Variants in MMP26 observed in about 807,000 individuals in gnomAD.
MMP26 encodes matrix metalloproteinase-26.
Under a neutral mutation model 31.0 loss-of-function variants are expected in MMP26, and 33 were observed. The ratio of observed to expected loss-of-function variants is 1.06; its 90% CI spans 0.81 to 1.42. The LOEUF is 1.42. MMP26 is among the 40% of genes most tolerant of loss of function. The pLI is 0.00. For synonymous variants in MMP26, 122 were observed against 114.9 expected (o/e 1.06, Z -0.40); for missense variants, 347 against 316.1 (o/e 1.10, Z -0.74).
At chr11:4,809,893 A>G (rs1849326679) in intron 2 of MMP26, among the ~76,000 whole-genome samples, 1 of 152,190 alleles carries the variant, frequency 6.6e-6, no homozygotes. Flanking sequence ...AGTACAGATG[A>G]TCACTCACCC....
chr11:4,974,308 T>C (rs1382265604), intron 2 of MMP26, among the ~76,000 whole-genome samples: 1 of 151,826 alleles, frequency 6.6e-6, no homozygotes, highest in Non-Finnish European at 1.5e-5. Flanking sequence ...AAAAAAAAGG[T>C]CTAAAATTTT....
chr11:4,864,413 C>G (rs577982980), intron 2 of MMP26, among the ~76,000 whole-genome samples: 22 of 152,226 alleles, frequency 1.4e-4, no homozygotes, highest in African/African-American at 5.1e-4. Context: ...CATTTATTTT[C>G]CATCACAAGC....
At chr11:4,986,956 TCTCC>T (rs1846908370) in intron 2 of MMP26, among the ~76,000 whole-genome samples, 4 of 140,258 alleles carry the variant, frequency 2.9e-5, no homozygotes, top group African/African-American at 5.7e-5. Flanking sequence ...TCTCTCTCTC[TCTCC>T]CTCTCTCTCT....
chr11:4,914,750 C>G, intron 2 of MMP26: 2 of 1,613,342 alleles, frequency 1.2e-6, no homozygotes, highest in Non-Finnish European at 8.5e-7. Context: ...CACTCGATCC[C>G]GGATCTGTTT....
chr11:4,863,866 T>C (rs1850198452), intron 2 of MMP26, among the ~76,000 whole-genome samples: 1 of 152,224 alleles, frequency 6.6e-6, no homozygotes, highest in South Asian at 2.1e-4. Context: ...TCTTCTATTA[T>C]GTCCAACACT....
At chr11:4,963,685 T>C (rs1443489301) in intron 2 of MMP26, among the ~76,000 whole-genome samples, 1 of 152,232 alleles carries the variant, frequency 6.6e-6, no homozygotes, top group African/African-American at 2.4e-5. Flanking sequence ...ATTTGAAAGA[T>C]TGATACACTG....
intron 1 of MMP26, among the ~76,000 whole-genome samples, chr11:4,707,003 A>G (rs1847789340): frequency 6.6e-6 from 1 of 152,154 alleles, no homozygotes. Context: ...GGTTGTTTCC[A>G]TATGTTGGCT....
At chr11:4,915,239 G>A in intron 2 of MMP26, 1 of 1,613,990 alleles carries the variant, frequency 6.2e-7, no homozygotes, top group Non-Finnish European at 8.5e-7. Context: ...GACTGTGTTG[G>A]TGAGAATGGA....
Position 4,942,089 on chromosome 11 carries a change from C to CAAAAAAAAAAAAAAAAAAAAAAA in MMP26, c.-144-45958_-144-45957insAAAAAAAAAAAAAAAAAAAAAAA, listed in dbSNP as rs201626472. Among the ~76,000 whole-genome samples the CAAAAAAAAAAAAAAAAAAAAAAA allele has an allele frequency of 5.1e-3, 190 of 37,086 alleles. 12 individuals carry two copies. The highest frequency in any genetic ancestry group is 6.1e-3 in the Non-Finnish European group (117 of 19,112). 24.3% of individuals were successfully genotyped at this position (37,086 alleles called of 152,430 possible). ...TGGGCAGCAGAATGAGAGTCCATCT[C>CAAAAAAAAAAAAAAAAAAAAAAA]AAAAAAAAAAAAAAAAAAAAAGGAA... On this transcript the variant is annotated intron_variant, in intron 2 of 7. Coordinates refer to ENST00000380390, the MANE Select transcript of MMP26 (RefSeq NM_021801.5).
At chr11:4,859,086 G>C (rs1388395572) in intron 2 of MMP26, among the ~76,000 whole-genome samples, 1 of 152,146 alleles carries the variant, frequency 6.6e-6, no homozygotes, top group Non-Finnish European at 1.5e-5. Flanking sequence ...ATGGATTAAA[G>C]ACTTAAATAT....
At position 4,907,956 on chromosome 11, in the gene MMP26, T is replaced by C. The variant is rs7108654; in HGVS notation, c.-144-80112T>C. 1.8e-3 allele frequency: 2,978 copies of C among 1,614,072 alleles called. 48 individuals carry two copies. The African/African-American group carries it at 0.035, about 19-fold the overall frequency. On this transcript the variant is annotated intron_variant, in intron 2 of 7. Transcript: ENST00000380390. ...GCCTGCTCTGACAACAAGACCAATG[T>C]CATCTATGGCTTCTTCATTGCTCTC...
At position 4,954,245 on chromosome 11, in the gene MMP26, G is replaced by A. The variant is rs1564813964; in HGVS notation, c.-144-33823G>A. 3.2e-5 allele frequency among the ~76,000 whole-genome samples: 4 copies of A among 123,264 alleles called. 1 individual carries two copies. In the South Asian group the frequency reaches 9.9e-4, roughly 30 times the overall value. 80.9% of individuals were successfully genotyped at this position (123,264 alleles called of 152,430 possible). On this transcript the variant is annotated intron_variant, in intron 2 of 7. Coordinates refer to ENST00000380390, the MANE Select transcript of MMP26 (RefSeq NM_021801.5). ...TGACTTCTAGGGTGGGGAAATGATG[G>A]GGCGGGGATTGGACTGAAAAACTAT...
At chr11:4,884,028 T>C (rs1850515219) in intron 2 of MMP26, among the ~76,000 whole-genome samples, 1 of 152,176 alleles carries the variant, frequency 6.6e-6, no homozygotes. Context: ...CTCAGTTTTC[T>C]TTCAAGCTAT....
intron 2 of MMP26, among the ~76,000 whole-genome samples, chr11:4,934,380 A>T: frequency 1.4e-5 from 1 of 71,344 alleles, no homozygotes; most frequent in African/African-American, 6.6e-5. Context: ...TTCTTTTGAG[A>T]AGTGTCTGTT....
rs771890155 is a variant in MMP26 at position 4,990,727 on chromosome 11, G to T, written c.450G>T (p.Lys150Asn). 1.2e-6 allele frequency: 2 copies of T among 1,613,864 alleles called. No individual in the cohort carries two copies. The highest frequency in any genetic ancestry group is 1.7e-6 in the Non-Finnish European group (2 of 1,179,950). ...TGCAGAATGGAGATGCAGACATCAA[G>T]GTTTCTTTCTGGCAGTGGGGTAAGA... ...QQVQNGDADIKVSFWQWAHED... is the reference protein window; with the variant it reads ...QQVQNGDADINVSFWQWAHED... Residue 150 changes from lysine to asparagine, a missense_variant, in exon 5 of 8, where the codon AAG (lysine) becomes AAT (asparagine). Physicochemically the swap from Lys to Asn is moderately conservative, Grantham distance 94. Transcript: ENST00000380390.
chr11:4,829,816 C>T (rs1419895981), intron 2 of MMP26, among the ~76,000 whole-genome samples: 1 of 152,204 alleles, frequency 6.6e-6, no homozygotes, highest in East Asian at 1.9e-4. Flanking sequence ...TGTCTCTGAC[C>T]TCAGTGACTG....
intron 2 of MMP26, chr11:4,860,548 G>T (rs1850138197): frequency 2.1e-6 from 1 of 466,214 alleles, no homozygotes. Flanking sequence ...GGCCTGTGAT[G>T]CATTCAAGTT....
At chr11:4,804,703 G>T (rs1330505534) in intron 2 of MMP26, 4 of 402,510 alleles carry the variant, frequency 9.9e-6, no homozygotes, top group Non-Finnish European at 2.0e-5. Flanking sequence ...CTAGCACTTT[G>T]GGAGGCTGAG....
intron 2 of MMP26, among the ~76,000 whole-genome samples, chr11:4,795,843 G>GGAGAGAGAGAGA (rs142600384): frequency 3.1e-4 from 44 of 142,260 alleles, no homozygotes; most frequent in Non-Finnish European, 6.2e-4. Context: ...AGAGAGAGAG[G>GGAGAGAGAGAGA]GAGAGAGAGA....
Sources: gnomAD v4.1 joint callset for allele counts (sites outside exome capture counted in the v4.1 genomes callset) on GRCh38, gnomAD v4.1.1 for gene constraint, MANE v1.5 for transcripts, NCBI Gene and HGNC (gene_info 2026-07-23, HGNC 2026-07-21) for gene names.